Variants in NINJ2 observed in about 807,000 individuals in gnomAD.
The protein encoded by NINJ2 is ninjurin-2.
NINJ2 carries 12 observed loss-of-function variants against 11.7 expected under a neutral mutation model. The observed-to-expected ratio is 1.02, with a 90% CI of 0.66 to 1.66. The LOEUF (loss-of-function observed/expected upper bound fraction) is 1.66. Ranked by LOEUF, NINJ2 falls within the 40% of genes most tolerant of loss-of-function variation. NINJ2 has a pLI of 0.00. For synonymous variants in NINJ2, 93 were observed against 76.8 expected (o/e 1.21, Z -1.10); for missense variants, 187 against 181.8 (o/e 1.03, Z -0.16).
chr12:605,108 C>T (rs1205317665), intron 1 of NINJ2, among the ~76,000 whole-genome samples: 4 of 152,178 alleles, frequency 2.6e-5, no homozygotes, highest in Non-Finnish European at 5.9e-5. Context: ...AGGCATGTGC[C>T]GTGTGAGATG....
At chr12:576,422 G>A (rs189304075) in intron 1 of NINJ2, among the ~76,000 whole-genome samples, 3 of 152,390 alleles carry the variant, frequency 2.0e-5, no homozygotes. Flanking sequence ...CGGAAGCAGA[G>A]TGTGTAGGGA....
intron 1 of NINJ2, among the ~76,000 whole-genome samples, chr12:662,947 C>T (rs2120558345): frequency 9.4e-6 from 1 of 106,202 alleles, no homozygotes; most frequent in South Asian, 3.9e-4. Flanking sequence ...AGCCTCAAAA[C>T]TCATATATTT....
At chr12:601,347 C>T (rs972678965) in intron 1 of NINJ2, among the ~76,000 whole-genome samples, 26 of 144,000 alleles carry the variant, frequency 1.8e-4, no homozygotes, top group African/African-American at 4.9e-4. Flanking sequence ...GAGATCGAGA[C>T]CATCCTGGCT....
chr12:608,403 G>A lies in NINJ2; in HGVS notation c.34-42225C>T, dbSNP rs74377384. ...TAATAATGTGCTTATTACCGGCCTG[G>A]CACTTTTCTAAGTACATATTTTAAT... is the stretch of plus-strand genomic sequence containing the variant. On this transcript the variant is annotated intron_variant, in intron 1 of 3. Coordinates refer to ENST00000305108, the MANE Select transcript of NINJ2 (RefSeq NM_016533.6). 2.0e-5 allele frequency among the ~76,000 whole-genome samples: 3 copies of A among 152,278 alleles called. No individual in the cohort carries two copies. The East Asian group carries it at 5.8e-4, about 29-fold the overall frequency.
At chr12:599,948 C>T (rs190630288) in intron 1 of NINJ2, among the ~76,000 whole-genome samples, 2 of 152,344 alleles carry the variant, frequency 1.3e-5, no homozygotes, top group Admixed American at 1.3e-4. Flanking sequence ...TCTGGCCCAG[C>T]CCGCCTCCTT....
rs12308748 is a variant in NINJ2 at position 641,253 on chromosome 12, G to A, written c.33+22075C>T. Among the ~76,000 whole-genome samples, 780 of 152,186 alleles carry A rather than the reference G, an allele frequency of 5.1e-3. 6 individuals are homozygous for A. Among genetic ancestry groups the A allele is most frequent in the African/African-American group, 0.018 (729 of 41,520 alleles). On this transcript the variant is annotated intron_variant, in intron 1 of 3. Coordinates refer to ENST00000305108, the MANE Select transcript of NINJ2 (RefSeq NM_016533.6). ...CAGCCCTACCTTCCCACTTGGAAGGGGGAATGGGAAAGTGGCTGCACTGAG... is the reference window on the plus strand; with the variant it reads ...CAGCCCTACCTTCCCACTTGGAAGGAGGAATGGGAAAGTGGCTGCACTGAG...
intron 1 of NINJ2, among the ~76,000 whole-genome samples, chr12:620,339 G>A (rs76914415): frequency 0.097 from 14,495 of 149,380 alleles, 898 homozygotes; most frequent in African/African-American, 0.17. Context: ...TTAGACCAGC[G>A]ATCCCCGCTT....
intron 1 of NINJ2, among the ~76,000 whole-genome samples, chr12:599,959 C>T (rs1348070073): frequency 1.3e-5 from 2 of 152,246 alleles, no homozygotes; most frequent in African/African-American, 4.8e-5. Context: ...CCGCCTCCTT[C>T]TGCCCAGCTG....
chr12:603,881 G>A (rs1399596687), intron 1 of NINJ2, among the ~76,000 whole-genome samples: 3 of 152,072 alleles, frequency 2.0e-5, no homozygotes, highest in Non-Finnish European at 2.9e-5. Flanking sequence ...GTCTGGTTTC[G>A]AACTCCTGAC....
intron 1 of NINJ2, among the ~76,000 whole-genome samples, chr12:661,736 A>G (rs1205518597): frequency 6.6e-6 from 1 of 152,262 alleles, no homozygotes; most frequent in Non-Finnish European, 1.5e-5. Flanking sequence ...GGCAAGAACT[A>G]GAAGTAAGAA....
chr12:599,274 C>T (rs11612642), intron 1 of NINJ2, among the ~76,000 whole-genome samples: 41,366 of 151,238 alleles, frequency 0.27, 5,898 homozygotes, highest in Admixed American at 0.37. Flanking sequence ...ATCCCAGCTA[C>T]TTGCGGGGCT....
At chr12:641,078 G>A (rs1948411097) in intron 1 of NINJ2, 1 of 152,322 alleles carries the variant, frequency 6.6e-6, no homozygotes, top group Non-Finnish European at 1.5e-5. Context: ...CCATGTTTAT[G>A]AGGTGAAATT....
chr12:596,903 T>C (rs1327503971), intron 1 of NINJ2, among the ~76,000 whole-genome samples: 3 of 150,404 alleles, frequency 2.0e-5, no homozygotes, highest in African/African-American at 7.4e-5. Flanking sequence ...GCCTGGACGA[T>C]GAGAGTGAGA....
In NINJ2 at chr12:652,039, T is replaced by A. The variant is rs1016372404; in HGVS notation, c.33+11289A>T. 1.9e-4 allele frequency among the ~76,000 whole-genome samples: 29 copies of A among 152,132 alleles called. 1 individual carries two copies. Among genetic ancestry groups the A allele is most frequent in the African/African-American group, 6.8e-4 (28 of 41,420 alleles). ...ACAGAAAAAATATTTGAAACAATAA[T>A]GACTGAGCATTTCTCTCAAATTAAT... is the stretch of plus-strand genomic sequence containing the variant. On this transcript the variant is annotated intron_variant, in intron 1 of 3. Transcript: ENST00000305108.
intron 1 of NINJ2, among the ~76,000 whole-genome samples, chr12:631,213 A>G (rs1389313803): frequency 2.6e-5 from 4 of 152,144 alleles, no homozygotes; most frequent in Non-Finnish European, 4.4e-5. Context: ...TGCTCTCCGG[A>G]CAAACGTTCT....
In NINJ2 at chr12:590,408, GA is replaced by G. The variant is rs1947702104; in HGVS notation, c.34-24231del. ...ATTGGATGCTGAGGGTGGGGAAAGGGAGGGGTGGAAGACGACACCCTGTGCC... is the reference window on the plus strand; with the variant it reads ...ATTGGATGCTGAGGGTGGGGAAAGGGGGGGTGGAAGACGACACCCTGTGCC... On this transcript the variant is annotated intron_variant, in intron 1 of 3. Transcript: ENST00000305108. Among the ~76,000 whole-genome samples, 5 of 152,366 alleles carry G rather than the reference GA, an allele frequency of 3.3e-5. No homozygotes were observed. In the South Asian group the frequency reaches 6.2e-4, roughly 19 times the overall value.
At position 663,365 on chromosome 12, in the gene NINJ2, C is replaced by T. The variant is rs759410413; in HGVS notation, c.-5G>A. 24 of 1,614,092 alleles carry T rather than the reference C, an allele frequency of 1.5e-5. No individual in the cohort carries two copies. The highest frequency in any genetic ancestry group is 1.9e-5 in the Non-Finnish European group (22 of 1,180,030). ...GTTTTCTCTTGCTGATTCCATCTCG[C>T]TGCCCTCAAGTCCCTTCACACGCAC... On this transcript the variant is annotated 5_prime_UTR_variant, in exon 1 of 4. Coordinates refer to ENST00000305108, the MANE Select transcript of NINJ2 (RefSeq NM_016533.6).
chr12:565,497 T>G, intron 2 of NINJ2, 96 bp from the exon 3 acceptor site: 4 of 1,243,538 alleles, frequency 3.2e-6, no homozygotes, highest in Non-Finnish European at 4.5e-6. Context: ...AGAGGGGCCC[T>G]TCAGAAACCC....
intron 1 of NINJ2, among the ~76,000 whole-genome samples, chr12:571,246 C>T: frequency 6.6e-6 from 1 of 152,260 alleles, no homozygotes; most frequent in Non-Finnish European, 1.5e-5. Flanking sequence ...GAAGCTGGAG[C>T]GCGGCCAGTG....
Sources: allele counts gnomAD v4.1 joint callset (sites outside exome capture counted in the v4.1 genomes callset), GRCh38; gene constraint gnomAD v4.1.1; transcripts MANE v1.5; gene names NCBI Gene and HGNC (gene_info 2026-07-23, HGNC 2026-07-21).